WWOX: variants seen among roughly 807,000 people sequenced by gnomAD.
WWOX encodes the protein WW domain containing oxidoreductase, also known as WW domain-containing oxidoreductase.
WWOX carries 69 observed loss-of-function variants against 46.2 expected under a neutral mutation model. The observed-to-expected ratio is 1.49, with a 90% CI of 1.23 to 1.82. The LOEUF is 1.82. WWOX is among the 40% of genes most tolerant of loss of function. The pLI is 0.00. For synonymous variants in WWOX, 359 were observed against 202.6 expected, an observed-to-expected ratio of 1.77 and a Z score of -6.56; for missense variants, 919 against 542.6, an observed-to-expected ratio of 1.69 and a Z score of -6.89.
At chr16:78,370,434 C>T (rs1254949588) in intron 5 of WWOX, among the ~76,000 whole-genome samples, 1 of 151,846 alleles carries the variant, frequency 6.6e-6, no homozygotes, top group Non-Finnish European at 1.5e-5. Context: ...ATACCGTTTA[C>T]ATTGGGAAAG....
intron 8 of WWOX, among the ~76,000 whole-genome samples, chr16:78,951,001 G>C (rs747765924): frequency 2.3e-4 from 35 of 152,290 alleles, no homozygotes; most frequent in Non-Finnish European, 2.1e-4. Context: ...TCACCACCCT[G>C]TTAGCTTCAT....
intron 8 of WWOX, among the ~76,000 whole-genome samples, chr16:78,542,642 C>T (rs1484455635): frequency 6.6e-6 from 1 of 152,166 alleles, no homozygotes; most frequent in African/African-American, 2.4e-5. Flanking sequence ...ATGCACCCAG[C>T]AGAGTTGTGC....
At chr16:78,738,342 T>G (rs2049137019) in intron 8 of WWOX, among the ~76,000 whole-genome samples, 1 of 152,126 alleles carries the variant, frequency 6.6e-6, no homozygotes, top group Admixed American at 6.5e-5. Context: ...AGTATGGTAA[T>G]AATTAGGCAT....
At chr16:78,331,158 A>C (rs1016669739) in intron 5 of WWOX, among the ~76,000 whole-genome samples, 11 of 152,192 alleles carry the variant, frequency 7.2e-5, no homozygotes, top group African/African-American at 2.7e-4. Context: ...TTGTGTCTGT[A>C]ATTTGGAACG....
chr16:79,162,285 G>T (rs777023935), intron 8 of WWOX, among the ~76,000 whole-genome samples: 1 of 152,156 alleles, frequency 6.6e-6, no homozygotes, highest in African/African-American at 2.4e-5. Context: ...CAGATTCTGG[G>T]GCTCTAAGGC....
chr16:78,483,869 T>G (rs1034704433), intron 8 of WWOX, among the ~76,000 whole-genome samples: 7 of 152,192 alleles, frequency 4.6e-5, no homozygotes, highest in African/African-American at 1.7e-4. Flanking sequence ...GCATTGACTT[T>G]GCTCACAAAA....
chr16:78,789,341 C>T (rs1362350899), intron 8 of WWOX, among the ~76,000 whole-genome samples: 1 of 152,166 alleles, frequency 6.6e-6, no homozygotes, highest in African/African-American at 2.4e-5. Context: ...TTAAGGTAGG[C>T]ATTCAACTTT....
chr16:79,055,981 C>G (rs1274713615), intron 8 of WWOX, among the ~76,000 whole-genome samples: 7 of 152,126 alleles, frequency 4.6e-5, no homozygotes, highest in Non-Finnish European at 7.4e-5. Flanking sequence ...CTTTCATTCT[C>G]TGATCTGTTG....
chr16:78,648,017 C>G (rs1223153045), intron 8 of WWOX, among the ~76,000 whole-genome samples: 1 of 152,182 alleles, frequency 6.6e-6, no homozygotes, highest in Non-Finnish European at 1.5e-5. Flanking sequence ...CATTTGGCTT[C>G]TTGAACCCTC....
intron 8 of WWOX, among the ~76,000 whole-genome samples, chr16:79,118,074 C>T (rs1460088665): frequency 2.0e-5 from 3 of 152,258 alleles, no homozygotes; most frequent in Non-Finnish European, 2.9e-5. Context: ...GGCTTTCAGC[C>T]TATGTCAGTT....
At chr16:78,236,892 T>G (rs1378713883) in intron 5 of WWOX, among the ~76,000 whole-genome samples, 1 of 151,928 alleles carries the variant, frequency 6.6e-6, no homozygotes, top group Non-Finnish European at 1.5e-5. Context: ...TTGATCAATA[T>G]GGTGAAACCC....
intron 8 of WWOX, among the ~76,000 whole-genome samples, chr16:79,122,938 C>T (rs79807852): frequency 0.017 from 2,603 of 152,278 alleles, 19 homozygotes; most frequent in Non-Finnish European, 0.026. Flanking sequence ...GGACCCTTGC[C>T]GGGGCCTCGC....
chr16:78,292,074 T>G (rs1424609698), intron 5 of WWOX, among the ~76,000 whole-genome samples: 3 of 151,050 alleles, frequency 2.0e-5, no homozygotes, highest in Non-Finnish European at 4.4e-5. Context: ...TTTTTTTTTT[T>G]TTTTTTTCCC....
intron 8 of WWOX, among the ~76,000 whole-genome samples, chr16:78,719,851 A>G (rs1392276909): frequency 1.3e-5 from 2 of 152,212 alleles, no homozygotes; most frequent in Non-Finnish European, 2.9e-5. Flanking sequence ...CGGGAAAGAA[A>G]GAAAACCCAG....
chr16:79,139,615 C>G (rs7203720), intron 8 of WWOX, among the ~76,000 whole-genome samples: 1 of 151,406 alleles, frequency 6.6e-6, no homozygotes, highest in Non-Finnish European at 1.5e-5. Flanking sequence ...TCTTTCTTTT[C>G]TTTTTTTAAG....
At chr16:78,764,452 G>A (rs1003347005) in intron 8 of WWOX, among the ~76,000 whole-genome samples, 3 of 150,380 alleles carry the variant, frequency 2.0e-5, no homozygotes, top group Admixed American at 6.7e-5. Context: ...GCTTCTTCTG[G>A]GAGTGGGTTT....
intron 8 of WWOX, among the ~76,000 whole-genome samples, chr16:78,601,048 C>T (rs141889942): frequency 2.0e-5 from 3 of 152,264 alleles, no homozygotes; most frequent in East Asian, 3.9e-4. Flanking sequence ...CCACATAATA[C>T]CTGGGGCAGG....
intron 6 of WWOX, among the ~76,000 whole-genome samples, chr16:78,404,423 C>G (rs1403401965): frequency 6.6e-6 from 1 of 151,990 alleles, no homozygotes; most frequent in Non-Finnish European, 1.5e-5. Flanking sequence ...CCATTTTGGG[C>G]GTGAGAAGCT....
intron 8 of WWOX, among the ~76,000 whole-genome samples, chr16:78,502,070 A>C (rs1457746152): frequency 6.6e-6 from 1 of 152,140 alleles, no homozygotes; most frequent in African/African-American, 2.4e-5. Context: ...TCTGGATGCT[A>C]ATGCTATTCT....
Sources: allele counts gnomAD v4.1 joint callset (sites outside exome capture counted in the v4.1 genomes callset), GRCh38; gene constraint gnomAD v4.1.1; transcripts MANE v1.5; gene names NCBI Gene and HGNC (gene_info 2026-07-23, HGNC 2026-07-21).